PKHD1: variants seen among roughly 807,000 people sequenced by gnomAD.
PKHD1 encodes PKHD1 ciliary IPT domain containing fibrocystin/polyductin.
Under a neutral mutation model 412.0 loss-of-function variants are expected in PKHD1, and 291 were observed. The observed-to-expected ratio is 0.71, with a 90% CI of 0.64 to 0.78. The LOEUF is 0.78. Among genes scored for constraint, PKHD1 ranks in the 30% least tolerant of loss-of-function variants. The pLI is 0.00. For synonymous variants in PKHD1, 1,777 were observed against 1,821.5 expected, an observed-to-expected ratio of 0.98 and a Z score of 0.62; for missense variants, 4,825 against 4,950.7, an observed-to-expected ratio of 0.97 and a Z score of 0.76.
intron 53 of PKHD1, among the ~76,000 whole-genome samples, 193 bp downstream of exon 53, chr6:51,791,043 A>C (rs1446530081): frequency 1.3e-5 from 2 of 152,162 alleles, no homozygotes; most frequent in Admixed American, 1.3e-4. Context: ...GGCATGAAAG[A>C]ATGACCAATA....
At chr6:51,729,553 T>C (rs1389163255) in intron 60 of PKHD1, among the ~76,000 whole-genome samples, 1 of 152,168 alleles carries the variant, frequency 6.6e-6, no homozygotes, top group Non-Finnish European at 1.5e-5. Flanking sequence ...GTTTTATTTA[T>C]TCATTCAACA....
At chr6:52,003,967 A>G (rs1036482684) in intron 35 of PKHD1, among the ~76,000 whole-genome samples, 5 of 152,234 alleles carry the variant, frequency 3.3e-5, no homozygotes, top group South Asian at 4.1e-4. Context: ...GAGAACTCCA[A>G]TAATGGTTCT....
At chr6:51,756,184 T>C (rs1786984796) in intron 55 of PKHD1, among the ~76,000 whole-genome samples, 1 of 152,138 alleles carries the variant, frequency 6.6e-6, no homozygotes, top group African/African-American at 2.4e-5. Flanking sequence ...GATGCAACTT[T>C]AATGAAGGAA....
At chr6:51,947,430 T>A (rs1350209204) in intron 36 of PKHD1, among the ~76,000 whole-genome samples, 3 of 152,230 alleles carry the variant, frequency 2.0e-5, no homozygotes, top group Non-Finnish European at 4.4e-5. Flanking sequence ...AACAGAAGAA[T>A]AAACTCTTCT....
chr6:52,025,251 A>G lies in PKHD1; in HGVS notation c.4559T>C (p.Val1520Ala), dbSNP rs756133563. 6.2e-6 allele frequency: 10 copies of G among 1,614,164 alleles called. No individual in the cohort carries two copies. The highest frequency in any genetic ancestry group is 8.5e-6 in the Non-Finnish European group (10 of 1,180,034). The stretch of plus-strand genomic sequence containing the variant: ...TACATTGCAAGGAAGTTGATCATCC[A>G]CAAATACCATCGGCTCATCAGCTGT... The part of the protein sequence containing the change: ...ATTADEPMVF[V>A]DDQLPCNVTF... Residue 1520 changes from valine (V) to alanine (A), a missense_variant, in exon 32 of 67, where the codon GTG becomes GCG. Transcript: ENST00000371117.
intron 5 of PKHD1, among the ~76,000 whole-genome samples, chr6:52,077,308 G>C (rs1335098377): frequency 6.6e-6 from 1 of 152,196 alleles, no homozygotes; most frequent in Non-Finnish European, 1.5e-5. Context: ...AGCAGGGCCA[G>C]TATGAAGAAA....
intron 37 of PKHD1, among the ~76,000 whole-genome samples, chr6:51,930,729 G>A (rs934405720): frequency 3.3e-5 from 5 of 152,202 alleles, no homozygotes; most frequent in East Asian, 1.9e-4. Context: ...GGCCTCATTC[G>A]CTGGGCAGTG....
intron 49 of PKHD1, among the ~76,000 whole-genome samples, chr6:51,854,978 G>C (rs1437724769): frequency 6.6e-6 from 1 of 152,234 alleles, no homozygotes; most frequent in African/African-American, 2.4e-5. Flanking sequence ...CGGGAGTTTG[G>C]TAGGCTTAAG....
intron 64 of PKHD1, among the ~76,000 whole-genome samples, chr6:51,635,281 A>G (rs1297588609): frequency 6.6e-6 from 1 of 152,180 alleles, no homozygotes; most frequent in East Asian, 1.9e-4. Flanking sequence ...AAATATAGTC[A>G]GTCCATTTTT....
Position 52,062,528 on chromosome 6 carries a change from T to A in PKHD1, c.1109A>T (p.Gln370Leu). The A allele has an allele frequency of 6.2e-7, 1 of 1,614,104 alleles. No homozygotes were observed. Among genetic ancestry groups the A allele is most frequent in the Non-Finnish European group, 8.5e-7 (1 of 1,179,936 alleles). ...TTTTCCTACAACATACCTGAAAGGT[T>A]GTCCTTCCTGTGACCAAAACCCAAA... ...SPFGFWSQEGQPFRARLSGFF... is the reference protein window; with the variant it reads ...SPFGFWSQEGLPFRARLSGFF... The change falls in exon 14 of 67, where the codon CAA (glutamine) becomes CTA (leucine). Residue 370 changes from glutamine to leucine, a missense_variant. Physicochemically the swap from Gln to Leu is moderately radical, Grantham distance 113. Transcript: ENST00000371117.
chr6:51,699,170 A>C (rs1049686959), intron 60 of PKHD1, among the ~76,000 whole-genome samples: 8 of 152,204 alleles, frequency 5.3e-5, no homozygotes, highest in African/African-American at 1.9e-4. Context: ...TCATATAACT[A>C]CTACCATAAT....
intron 60 of PKHD1, among the ~76,000 whole-genome samples, chr6:51,733,509 C>T (rs1053401275): frequency 3.4e-5 from 5 of 147,356 alleles, no homozygotes; most frequent in African/African-American, 1.3e-4. Context: ...TGCACTCCAG[C>T]CTGAGGACAG....
In PKHD1 at chr6:51,883,011, C is replaced by T. The variant is rs190516062; in HGVS notation, c.7350+82G>A. 4.4e-4 allele frequency: 458 copies of T among 1,031,534 alleles called. 5 individuals are homozygous for T. The African/African-American group carries it at 5.8e-3, about 13-fold the overall frequency. 63.9% of individuals were successfully genotyped at this position (1,031,534 alleles called of 1,614,324 possible). ...TCACTAAAGAATGCTATTAAAATTG[C>T]ATATCCTGGATCATCAGGGGGCCCA... On this transcript the variant is annotated intron_variant, in intron 46 of 66. Transcript: ENST00000371117.
In PKHD1 at chr6:51,903,661, AGT is replaced by A. The variant is rs779591829; in HGVS notation, c.6930_6931del (p.Ser2312GlnfsTer3). On this transcript the variant is annotated frameshift_variant, in exon 43 of 67. Coordinates refer to ENST00000371117, the MANE Select transcript of PKHD1 (RefSeq NM_138694.4). LOFTEE classifies it high-confidence loss of function. ...TGGTGTCAACATTTCAGGATTGGAGAGTCCCTCGGCACCAGAAACCTGGATGA... is the reference window on the plus strand; with the variant it reads ...TGGTGTCAACATTTCAGGATTGGAGACCCTCGGCACCAGAAACCTGGATGA... 1 of 1,610,210 alleles carries A rather than the reference AGT, an allele frequency of 6.2e-7. No individual in the cohort carries two copies. The highest frequency in any genetic ancestry group is 1.3e-5 in the African/African-American group (1 of 74,696).
At chr6:51,981,309 A>G (rs185798908) in intron 35 of PKHD1, among the ~76,000 whole-genome samples, 1 of 11,568 alleles carries the variant, frequency 8.6e-5, no homozygotes, top group African/African-American at 1.6e-4. Context: ...CCAAAGCTCA[A>G]GCTCTCCCTC....
chr6:51,940,696 G>A (rs760368835), intron 36 of PKHD1, among the ~76,000 whole-genome samples: 17 of 151,508 alleles, frequency 1.1e-4, no homozygotes, highest in African/African-American at 2.4e-4. Flanking sequence ...CAGGACCATC[G>A]CAGACGCTCT....
intron 35 of PKHD1, among the ~76,000 whole-genome samples, chr6:51,966,885 T>TGATTGGATTGGATTG (rs10599413): frequency 0.017 from 2,597 of 149,988 alleles, 74 homozygotes; most frequent in African/African-American, 0.057. Flanking sequence ...GAGACTGCTC[T>TGATTGGATTGGATTG]GATTGGATTG....
At chr6:51,762,529 A>G (rs1788184989) in intron 55 of PKHD1, among the ~76,000 whole-genome samples, 1 of 152,078 alleles carries the variant, frequency 6.6e-6, no homozygotes, top group East Asian at 1.9e-4. Flanking sequence ...ACAGAATAAA[A>G]GAAAATAATT....
At chr6:51,905,611 G>A (rs1781956806) in intron 41 of PKHD1, among the ~76,000 whole-genome samples, 2 of 152,202 alleles carry the variant, frequency 1.3e-5, no homozygotes, top group Non-Finnish European at 2.9e-5. Context: ...GAAGTTAACA[G>A]AGACAAAATC....
Sources: gnomAD v4.1 joint callset for allele counts (sites outside exome capture counted in the v4.1 genomes callset) on GRCh38, gnomAD v4.1.1 for gene constraint, MANE v1.5 for transcripts, NCBI Gene and HGNC (gene_info 2026-07-23, HGNC 2026-07-21) for gene names.